CMPK2: variants seen among roughly 807,000 people sequenced by gnomAD.
CMPK2 encodes the protein UMP-CMP kinase 2, mitochondrial.
In CMPK2, 32 loss-of-function variants were observed where a neutral mutation model predicts 33.4. That is an observed-to-expected ratio of 0.96 (90% CI 0.72 to 1.29). CMPK2 has a LOEUF of 1.29. Among genes scored for constraint, CMPK2 ranks in the 50% most tolerant of loss-of-function variants. The probability of loss-of-function intolerance (pLI) is 0.00; values close to 1 mark genes in which losing one functional copy is unlikely to be tolerated. For missense variants in CMPK2, 672 were observed against 616.0 expected (o/e 1.09, Z -0.96); for synonymous variants, 299 against 275.3 (o/e 1.09, Z -0.85).
intron 3 of CMPK2, among the ~76,000 whole-genome samples, chr2:6,859,491 A>C (rs527683193): frequency 6.6e-6 from 1 of 152,192 alleles, no homozygotes; most frequent in Non-Finnish European, 1.5e-5. Flanking sequence ...TGCTCTGTGC[A>C]GCCTAGAGAC....
rs776202439 is a variant in CMPK2, at chr2:6,863,589, A to T, written c.676-11T>A. The T allele has an allele frequency of 1.2e-6, 2 of 1,603,224 alleles. No homozygotes were observed. The highest frequency in any genetic ancestry group is 2.2e-5 in the South Asian group (2 of 90,302). ...AATAAAGGAGGTACACTGTAAAACA[A>T]CGTCTATCCATCAGCAATGAAGCCA... On this transcript the variant is annotated splice_polypyrimidine_tract_variant and intron_variant, in intron 1 of 4. Coordinates refer to ENST00000256722, the MANE Select transcript of CMPK2 (RefSeq NM_207315.4).
intron 3 of CMPK2, among the ~76,000 whole-genome samples, chr2:6,854,904 C>T (rs1460347788): frequency 6.6e-6 from 1 of 151,964 alleles, no homozygotes; most frequent in Non-Finnish European, 1.5e-5. Context: ...GTGCAGAAAT[C>T]CCTGCCTGCA....
In CMPK2 at chr2:6,865,892, C is replaced by T. The variant is rs1317836738; in HGVS notation, c.-196G>A. The T allele has an allele frequency of 1.7e-5, 24 of 1,409,682 alleles. No individual in the cohort carries two copies. The highest frequency in any genetic ancestry group is 2.8e-5 in the South Asian group (2 of 71,986). The allele number at this position is 1,409,682 out of a possible 1,614,324, so 87.3% of individuals were successfully genotyped here. Reference sequence around the variant, plus strand: ...CTGGGGCGCCCTTCCGGCCTCTCCTCCTCGCCGCGAGATGTGCGCGATAAA... The same window carrying T: ...CTGGGGCGCCCTTCCGGCCTCTCCTTCTCGCCGCGAGATGTGCGCGATAAA... On this transcript the variant is annotated 5_prime_UTR_variant, in exon 1 of 5. Coordinates refer to ENST00000256722, the MANE Select transcript of CMPK2 (RefSeq NM_207315.4).
chr2:6,863,339 G>T, intron 2 of CMPK2, 125 bp downstream of exon 2: 1 of 734,436 alleles, frequency 1.4e-6, no homozygotes, highest in Non-Finnish European at 2.3e-6. Flanking sequence ...CTAGCACAGG[G>T]CCTGCCACAC....
At chr2:6,863,622 T>TCA in intron 1 of CMPK2, 44 bp from the exon 2 acceptor site, 1 of 1,462,688 alleles carries the variant, frequency 6.8e-7, no homozygotes, top group Non-Finnish European at 9.5e-7. Flanking sequence ...CCAGGGGGCT[T>TCA]TTGCAGAAAT....
chr2:6,857,638 T>C (rs1179241117), intron 3 of CMPK2, among the ~76,000 whole-genome samples: 6 of 36,502 alleles, frequency 1.6e-4, no homozygotes, highest in African/African-American at 3.9e-4. Flanking sequence ...TCTTTTCTTT[T>C]CTTTTTTTTT....
At chr2:6,855,921 A>G (rs796216591) in intron 3 of CMPK2, among the ~76,000 whole-genome samples, 5 of 152,346 alleles carry the variant, frequency 3.3e-5, no homozygotes, top group African/African-American at 1.2e-4. Context: ...GTGTCCAGAT[A>G]GGACAAATCA....
At chr2:6,853,928 G>T (rs1055611357) in intron 3 of CMPK2, among the ~76,000 whole-genome samples, 3 of 152,066 alleles carry the variant, frequency 2.0e-5, no homozygotes, top group African/African-American at 7.2e-5. Flanking sequence ...ATTCACTTGG[G>T]AGTTGATAAT....
At chr2:6,844,735 G>A (rs1662314416), downstream of CMPK2, among the ~76,000 whole-genome samples, 1 of 152,124 alleles carries the variant, frequency 6.6e-6, no homozygotes, top group African/African-American at 2.4e-5. Flanking sequence ...CTGGCTATAG[G>A]AGATACATTG....
chr2:6,865,894 T>A lies in CMPK2; in HGVS notation c.-198A>T. On this transcript the variant is annotated 5_prime_UTR_variant, in exon 1 of 5. Coordinates refer to ENST00000256722, the MANE Select transcript of CMPK2 (RefSeq NM_207315.4). ...GGGGCGCCCTTCCGGCCTCTCCTCCTCGCCGCGAGATGTGCGCGATAAACG... is the reference window on the plus strand; with the variant it reads ...GGGGCGCCCTTCCGGCCTCTCCTCCACGCCGCGAGATGTGCGCGATAAACG... 1 of 1,406,428 alleles carries A rather than the reference T, an allele frequency of 7.1e-7. No homozygotes were observed. The highest frequency in any genetic ancestry group is 9.2e-7 in the Non-Finnish European group (1 of 1,081,232). The allele number at this position is 1,406,428 out of a possible 1,614,324, so 87.1% of individuals were successfully genotyped here.
chr2:6,851,685 T>C lies in CMPK2; in HGVS notation c.993-2A>G. The C allele has an allele frequency of 6.2e-7, 1 of 1,613,660 alleles. No homozygotes were observed. The highest frequency in any genetic ancestry group is 2.2e-5 in the East Asian group (1 of 44,878). On this transcript the variant is annotated splice_acceptor_variant, in intron 3 of 4. Coordinates refer to ENST00000256722, the MANE Select transcript of CMPK2 (RefSeq NM_207315.4). LOFTEE classifies it high-confidence loss of function. ...TAGGTGGCCGTGCTGTGCCAGTACC[T>C]GAGAAGGAATGGGGTAGTGAGTTCT...
chr2:6,846,104 A>G (rs1241643067), downstream of CMPK2, among the ~76,000 whole-genome samples: 2 of 152,244 alleles, frequency 1.3e-5, no homozygotes, highest in Admixed American at 6.5e-5. Flanking sequence ...CCTTTCCACT[A>G]GGTGGCATTG....
downstream of CMPK2, among the ~76,000 whole-genome samples, chr2:6,844,954 G>T (rs184844201): frequency 6.6e-5 from 10 of 152,292 alleles, 1 homozygote; most frequent in East Asian, 1.7e-3. Flanking sequence ...CTGAATAAGT[G>T]AGGCAGGTAG....
chr2:6,857,533 G>A (rs1370911406), intron 3 of CMPK2, among the ~76,000 whole-genome samples: 2 of 151,398 alleles, frequency 1.3e-5, no homozygotes, highest in Non-Finnish European at 2.9e-5. Context: ...ATCAAGGCTG[G>A]TCTTGAACTC....
downstream of CMPK2, among the ~76,000 whole-genome samples, chr2:6,843,941 T>C (rs544630241): frequency 1.3e-5 from 2 of 152,134 alleles, no homozygotes; most frequent in African/African-American, 4.8e-5. Context: ...GCAGTTCGAG[T>C]TGCTGGAGCC....
chr2:6,866,339 C>A, upstream of CMPK2: 1 of 699,640 alleles, frequency 1.4e-6, no homozygotes, highest in Non-Finnish European at 1.8e-6. Context: ...GGGAACAGGG[C>A]GCAGTTCTGG....
In CMPK2 at chr2:6,865,100, CG is replaced by C; in HGVS notation, c.596del (p.Pro199ArgfsTer70). The C allele has an allele frequency of 1.3e-6, 2 of 1,502,334 alleles. No individual in the cohort carries two copies. The highest frequency in any genetic ancestry group is 8.9e-7 in the Non-Finnish European group (1 of 1,124,404). 93.1% of individuals were successfully genotyped at this position (1,502,334 alleles called of 1,614,324 possible). ...GCAAGTCTGGCACCACCGGGTGCAG[CG>C]GGGGCTCCGGGACGGGCACGACCTG... ...CAQVVPVPEP[P>X]LHPVVPDLPS... On this transcript the variant is annotated frameshift_variant, in exon 1 of 5. Transcript: ENST00000256722. LOFTEE classifies it high-confidence loss of function.
In CMPK2 at chr2:6,865,214, C is replaced by A; in HGVS notation, c.483G>T (p.Leu161Phe). ...GACQEAPRPH[L>F]GEFEADPRGQ... ...CGCGCGGGTCGGCCTCGAACTCGCC[C>A]AAGTGCGGGCGTGGTGCCTCCTGAC... Residue 161 changes from leucine (L) to phenylalanine (F), a missense_variant, in exon 1 of 5, where the codon TTG becomes TTT. Transcript: ENST00000256722. The A allele has an allele frequency of 6.5e-7, 1 of 1,534,530 alleles. No individual in the cohort carries two copies. The highest frequency in any genetic ancestry group is 8.7e-7 in the Non-Finnish European group (1 of 1,145,922).
intron 3 of CMPK2, among the ~76,000 whole-genome samples, chr2:6,852,823 C>T (rs1263915565): frequency 6.6e-6 from 1 of 152,178 alleles, no homozygotes; most frequent in South Asian, 2.1e-4. Context: ...TTTTAAAGGA[C>T]TAAATGGACA....
Sources: gnomAD v4.1 joint callset for allele counts (sites outside exome capture counted in the v4.1 genomes callset) on GRCh38, gnomAD v4.1.1 for gene constraint, MANE v1.5 for transcripts, NCBI Gene and HGNC (gene_info 2026-07-23, HGNC 2026-07-21) for gene names.